Variants in RPTOR observed in about 807,000 individuals in gnomAD.
RPTOR encodes regulatory associated protein of MTOR complex 1, also known as regulatory-associated protein of mTOR.
In RPTOR, 21 loss-of-function variants were observed where a neutral mutation model predicts 169.9. The observed-to-expected ratio is 0.12, with a 90% confidence interval of 0.09 to 0.18. RPTOR has a LOEUF of 0.18. RPTOR is among the 10% of genes least tolerant of loss of function. The pLI is 1.00. For missense variants in RPTOR, 1,133 were observed against 1,855.9 expected (o/e 0.61, Z 7.16); for synonymous variants, 732 against 753.2 (o/e 0.97, Z 0.46).
In RPTOR at chr17:80,911,987, G is replaced by T. The variant is rs59283468; in HGVS notation, c.2520+3058G>T. Reference sequence around the variant, plus strand: ...TCTCAGATGAGCTGACGCTCTGGAGGATTGGGACTGAAACCGTCACATCTG... The same window carrying T: ...TCTCAGATGAGCTGACGCTCTGGAGTATTGGGACTGAAACCGTCACATCTG... On this transcript the variant is annotated intron_variant, in intron 21 of 33. Transcript: ENST00000306801. 8.8e-3 allele frequency among the ~76,000 whole-genome samples: 1,341 copies of T among 152,268 alleles called. 18 individuals are homozygous for T. Among genetic ancestry groups the T allele is most frequent in the African/African-American group, 0.031 (1,298 of 41,540 alleles).
At chr17:80,743,745 A>ACT (rs2066512007) in intron 5 of RPTOR, among the ~76,000 whole-genome samples, 6 of 139,332 alleles carry the variant, frequency 4.3e-5, no homozygotes, top group African/African-American at 1.1e-4. Flanking sequence ...GGCTACTAGC[A>ACT]GAGCCCTGGC....
intron 1 of RPTOR, among the ~76,000 whole-genome samples, chr17:80,568,666 C>T (rs182179902): frequency 6.6e-6 from 1 of 152,080 alleles, no homozygotes; most frequent in Non-Finnish European, 1.5e-5. Flanking sequence ...CTATCTCTCC[C>T]CTTGTTCCTC....
At position 80,891,870 on chromosome 17, in the gene RPTOR, A is replaced by G. The variant is rs1279131721; in HGVS notation, c.2101+33A>G. 4 of 1,496,506 alleles carry G rather than the reference A, an allele frequency of 2.7e-6. No individual in the cohort carries two copies. The Admixed American group carries it at 6.8e-5, about 25-fold the overall frequency. 92.7% of individuals were successfully genotyped at this position (1,496,506 alleles called of 1,614,324 possible). On this transcript the variant is annotated intron_variant, in intron 18 of 33. Coordinates refer to ENST00000306801, the MANE Select transcript of RPTOR (RefSeq NM_020761.3). Reference sequence around the variant, plus strand: ...GTCTTCTCCTGTGAACCCGCAGAGCACCTCGCCTGGCGGTTCTAGTGCAGG... The same window carrying G: ...GTCTTCTCCTGTGAACCCGCAGAGCGCCTCGCCTGGCGGTTCTAGTGCAGG...
intron 9 of RPTOR, among the ~76,000 whole-genome samples, chr17:80,825,807 G>A (rs1316035373): frequency 6.6e-6 from 1 of 152,208 alleles, no homozygotes; most frequent in Non-Finnish European, 1.5e-5. Flanking sequence ...TAGTGATCCA[G>A]CCCGCATGGT....
In RPTOR at chr17:80,633,873, T is replaced by C. The variant is rs757267839; in HGVS notation, c.265+8080T>C. Reference sequence around the variant, plus strand: ...CCATTGGGCCGGCTTCTTTGGCTTCTGTCTTGTTTGCATCATTCGTGGAGC... The same window carrying C: ...CCATTGGGCCGGCTTCTTTGGCTTCCGTCTTGTTTGCATCATTCGTGGAGC... On this transcript the variant is annotated intron_variant, in intron 2 of 33. Coordinates refer to ENST00000306801, the MANE Select transcript of RPTOR (RefSeq NM_020761.3). The surrounding 1 kb of genome is among the most constrained non-coding windows in gnomAD (Gnocchi z 4.1). Among the ~76,000 whole-genome samples, 61 of 152,258 alleles carry C rather than the reference T, an allele frequency of 4.0e-4. No individual in the cohort carries two copies. The highest frequency in any genetic ancestry group is 3.9e-4 in the Admixed American group (6 of 15,290).
At chr17:80,822,568 C>G (rs148495899) in intron 8 of RPTOR, among the ~76,000 whole-genome samples, 1 of 152,202 alleles carries the variant, frequency 6.6e-6, no homozygotes, top group Admixed American at 6.5e-5. Context: ...TACTGCGCAC[C>G]GGCGGCTTAT....
chr17:80,835,530 A>C (rs935667798), intron 9 of RPTOR, among the ~76,000 whole-genome samples: 5 of 152,186 alleles, frequency 3.3e-5, no homozygotes, highest in Non-Finnish European at 5.9e-5. Flanking sequence ...CTCCATCCCT[A>C]CGACGAAGGT....
chr17:80,794,979 A>T (rs557776844), intron 7 of RPTOR, among the ~76,000 whole-genome samples: 4 of 152,178 alleles, frequency 2.6e-5, no homozygotes, highest in African/African-American at 9.7e-5. Context: ...GGTTCCACAG[A>T]TCCACCCACA....
At chr17:80,821,815 C>T (rs555030333) in intron 7 of RPTOR, among the ~76,000 whole-genome samples, 4 of 152,334 alleles carry the variant, frequency 2.6e-5, no homozygotes, top group African/African-American at 4.8e-5. Context: ...ACTTCCACAG[C>T]GTTCGGTGGC....
At chr17:80,797,829 T>G (rs1049397090) in intron 7 of RPTOR, among the ~76,000 whole-genome samples, 3 of 152,200 alleles carry the variant, frequency 2.0e-5, no homozygotes, top group African/African-American at 7.2e-5. Context: ...TTCTACTACC[T>G]CAGGGCCCCT....
rs2067410626 is a variant in RPTOR, at chr17:80,823,891, C to T, written c.1136+668C>T. 6.6e-6 allele frequency among the ~76,000 whole-genome samples: 1 copy of T among 152,170 alleles called. No individual in the cohort carries two copies. The highest frequency in any genetic ancestry group is 2.1e-4 in the South Asian group (1 of 4,832). ...GGCAAATTCTAAAATGGTATTAAAA[C>T]AAAGGAAAAATATTTCTGTTCATCA... On this transcript the variant is annotated intron_variant, in intron 9 of 33. Coordinates refer to ENST00000306801, the MANE Select transcript of RPTOR (RefSeq NM_020761.3). This position sits in a 1 kb window ranked among gnomAD's most constrained non-coding sequence, Gnocchi z 4.5.
chr17:80,922,823 GC>G lies in RPTOR; in HGVS notation c.2621del (p.Ala874GlyfsTer15). 6.4e-7 allele frequency: 1 copy of G among 1,565,974 alleles called. No homozygotes were observed. The highest frequency in any genetic ancestry group is 1.8e-5 in the Admixed American group (1 of 54,852). ...PTNKGVHIHQ[A>X]GGSPPASSTS... ...CAACAAGGGCGTGCACATCCACCAGGCGGGGTAAGTGCCGCCCGCTCAGCCT... is the reference window on the plus strand; with the variant it reads ...CAACAAGGGCGTGCACATCCACCAGGGGGGTAAGTGCCGCCCGCTCAGCCT... On this transcript the variant is annotated frameshift_variant, in exon 22 of 34. Transcript: ENST00000306801. LOFTEE classifies it high-confidence loss of function.
chr17:80,626,463 A>T (rs148739065), intron 2 of RPTOR, among the ~76,000 whole-genome samples: 2 of 152,326 alleles, frequency 1.3e-5, no homozygotes, highest in African/African-American at 4.8e-5. Context: ...AGAAGAGGTA[A>T]ATGGAACCAC....
At chr17:80,876,901 G>A (rs1169167987) in intron 13 of RPTOR, among the ~76,000 whole-genome samples, 3 of 142,860 alleles carry the variant, frequency 2.1e-5, no homozygotes, top group African/African-American at 7.9e-5. Context: ...TGCCATGCAG[G>A]GTGTGTGTGT....
intron 1 of RPTOR, among the ~76,000 whole-genome samples, chr17:80,610,334 T>A (rs2065261113): frequency 6.6e-6 from 1 of 152,214 alleles, no homozygotes; most frequent in African/African-American, 2.4e-5. Context: ...AGAAAACACG[T>A]CTGAATTGTG....
At chr17:80,883,690 A>G in intron 15 of RPTOR, 91 bp from the exon 16 acceptor site, 2 of 1,410,808 alleles carry the variant, frequency 1.4e-6, no homozygotes, top group Admixed American at 1.7e-5. Context: ...CTTCCCAAGA[A>G]TGGGTGGCCA....
chr17:80,791,726 A>G (rs1249063554), intron 7 of RPTOR, among the ~76,000 whole-genome samples: 1 of 152,222 alleles, frequency 6.6e-6, no homozygotes, highest in Admixed American at 6.5e-5. Context: ...GAAAAGAAAA[A>G]TAATAAAAAG....
At chr17:80,729,862 C>T (rs183720910) in intron 4 of RPTOR, among the ~76,000 whole-genome samples, 6 of 152,178 alleles carry the variant, frequency 3.9e-5, no homozygotes, top group African/African-American at 1.2e-4. Context: ...GGAGGCCCCG[C>T]GGCGGGAACT....
At position 80,599,780 on chromosome 17, in the gene RPTOR, T is replaced by TTA. The variant is rs1316188154; in HGVS notation, c.163-25911_163-25910insTA. ...AAGGAGGGAACGTGTCATTGCACGC[T>TTA]GGAGGAAAGGGGCCCCTTGTTAGGT... On this transcript the variant is annotated intron_variant, in intron 1 of 33. Transcript: ENST00000306801. Among the ~76,000 whole-genome samples the TTA allele has an allele frequency of 7.0e-4, 106 of 152,248 alleles. No individual in the cohort carries two copies. The Middle Eastern group carries it at 0.017, about 24-fold the overall frequency.
Sources: allele counts gnomAD v4.1 joint callset (sites outside exome capture counted in the v4.1 genomes callset), GRCh38; gene constraint gnomAD v4.1.1; non-coding constraint Gnocchi (gnomAD v3.1); transcripts MANE v1.5; gene names NCBI Gene and HGNC (gene_info 2026-07-23, HGNC 2026-07-21).